TBC1D22A: variants seen among roughly 807,000 people sequenced by gnomAD.
TBC1D22A encodes the protein putative GTPase activator.
TBC1D22A carries 38 observed loss-of-function variants against 60.2 expected under a neutral mutation model. The observed-to-expected ratio is 0.63, with a 90% confidence interval of 0.49 to 0.83. TBC1D22A has a LOEUF of 0.83. Among genes scored for constraint, TBC1D22A ranks in the 40% least tolerant of loss-of-function variants. The pLI, the probability that TBC1D22A is intolerant of heterozygous loss-of-function variation, is 0.00. For missense variants in TBC1D22A, 628 were observed against 701.0 expected, an observed-to-expected ratio of 0.90 and a Z score of 1.18; for synonymous variants, 302 against 281.7, an observed-to-expected ratio of 1.07 and a Z score of -0.72.
chr22:46,993,921 CTT>C (rs1321474798), intron 9 of TBC1D22A, among the ~76,000 whole-genome samples: 1 of 152,234 alleles, frequency 6.6e-6, no homozygotes, highest in African/African-American at 2.4e-5. Flanking sequence ...CCCCCTGTGT[CTT>C]AGCCTTGGCG....
At chr22:47,017,078 GTTTA>G (rs755536449) in intron 10 of TBC1D22A, among the ~76,000 whole-genome samples, 1 of 152,244 alleles carries the variant, frequency 6.6e-6, no homozygotes, top group Non-Finnish European at 1.5e-5. Flanking sequence ...TTCTTCTCCT[GTTTA>G]TTGGGACTTG....
chr22:47,121,010 G>A (rs535423815), intron 12 of TBC1D22A, among the ~76,000 whole-genome samples: 2 of 152,296 alleles, frequency 1.3e-5, no homozygotes, highest in Non-Finnish European at 2.9e-5. Context: ...CATTCACAAC[G>A]TAGCTTATAT....
intron 11 of TBC1D22A, among the ~76,000 whole-genome samples, chr22:47,088,209 C>G (rs1240390692): frequency 6.6e-6 from 1 of 152,084 alleles, no homozygotes; most frequent in Non-Finnish European, 1.5e-5. Context: ...GTTATCAACC[C>G]CAGTGGAAAT....
intron 11 of TBC1D22A, among the ~76,000 whole-genome samples, chr22:47,078,983 G>T (rs1030075827): frequency 6.6e-6 from 1 of 151,764 alleles, no homozygotes; most frequent in African/African-American, 2.4e-5. Context: ...TTCTCTCTTT[G>T]CCCTCTCTAA....
intron 10 of TBC1D22A, among the ~76,000 whole-genome samples, chr22:47,029,094 T>A (rs887263538): frequency 2.0e-5 from 3 of 152,146 alleles, no homozygotes. Context: ...TGATTCCAGT[T>A]TTATGTACAG....
intron 12 of TBC1D22A, among the ~76,000 whole-genome samples, chr22:47,146,329 C>T (rs920175557): frequency 4.6e-5 from 7 of 152,220 alleles, no homozygotes; most frequent in Non-Finnish European, 8.8e-5. Context: ...TGAACTCTCT[C>T]TCTCCCCAGC....
At chr22:46,997,565 C>G in intron 9 of TBC1D22A, 69 bp from the exon 10 acceptor site, 2 of 1,274,598 alleles carry the variant, frequency 1.6e-6, no homozygotes, top group South Asian at 1.2e-5. Context: ...ATCCCAGCTG[C>G]CTTTTTCCCT....
In TBC1D22A at chr22:46,831,073, G is replaced by A. The variant is rs1208577233; in HGVS notation, c.637+33453G>A. Among the ~76,000 whole-genome samples, 4 of 152,262 alleles carry A rather than the reference G, an allele frequency of 2.6e-5. No homozygotes were observed. The East Asian group carries it at 5.8e-4, about 22-fold the overall frequency. On this transcript the variant is annotated intron_variant, in intron 4 of 12. Coordinates refer to ENST00000337137, the MANE Select transcript of TBC1D22A (RefSeq NM_014346.5). The stretch of plus-strand genomic sequence containing the variant: ...GGACACGAGAGGAAGAGCAGATTGG[G>A]CAGGCCGAAGGCATTTGATGTTGGC...
At chr22:47,047,737 G>A (rs150601195) in intron 11 of TBC1D22A, among the ~76,000 whole-genome samples, 2 of 152,240 alleles carry the variant, frequency 1.3e-5, no homozygotes, top group African/African-American at 2.4e-5. Context: ...GCCCCATCCT[G>A]TGTGGAGGGT....
chr22:46,915,059 G>A, intron 8 of TBC1D22A: 1 of 261,392 alleles, frequency 3.8e-6, no homozygotes, highest in South Asian at 4.7e-5. Flanking sequence ...GCAGTGACAA[G>A]TAGTGGCATT....
At chr22:47,168,821 G>A (rs2068311685) in intron 12 of TBC1D22A, among the ~76,000 whole-genome samples, 1 of 152,194 alleles carries the variant, frequency 6.6e-6, no homozygotes, top group Non-Finnish European at 1.5e-5. Context: ...TTTGACTCAG[G>A]AAAAATAAAA....
chr22:46,795,195 C>T (rs1439208228), intron 3 of TBC1D22A, among the ~76,000 whole-genome samples: 1 of 152,254 alleles, frequency 6.6e-6, no homozygotes, highest in African/African-American at 2.4e-5. Context: ...CATGCACTGA[C>T]CGCCTTCTGC....
chr22:46,881,529 G>A (rs764854677), intron 5 of TBC1D22A, among the ~76,000 whole-genome samples: 2 of 152,200 alleles, frequency 1.3e-5, no homozygotes, highest in African/African-American at 2.4e-5. Flanking sequence ...GTCAGACCAC[G>A]CATTCAGAGA....
At chr22:47,033,785 T>C (rs962289943) in intron 10 of TBC1D22A, among the ~76,000 whole-genome samples, 13 of 152,128 alleles carry the variant, frequency 8.5e-5, no homozygotes, top group African/African-American at 2.9e-4. Flanking sequence ...CGTGGTAGCA[T>C]GGGTGTTGTT....
intron 4 of TBC1D22A, among the ~76,000 whole-genome samples, chr22:46,841,998 GA>G (rs1181042926): frequency 1.3e-5 from 2 of 152,042 alleles, no homozygotes; most frequent in Non-Finnish European, 2.9e-5. Flanking sequence ...TGTTAAGCTG[GA>G]AAAAAATTGC....
intron 12 of TBC1D22A, among the ~76,000 whole-genome samples, chr22:47,154,581 A>G (rs928759974): frequency 6.6e-6 from 1 of 152,202 alleles, no homozygotes; most frequent in Admixed American, 6.5e-5. Context: ...AGCCCTCAGG[A>G]AGCTGGGGGA....
At position 46,972,491 on chromosome 22, in the gene TBC1D22A, C is replaced by T. The variant is rs976754455; in HGVS notation, c.1016-1799C>T. Reference sequence around the variant, plus strand: ...GGAGTGAGGCATTGACACGGGCTGCCGCATGGATGACTCTGGAGAACATTG... The same window carrying T: ...GGAGTGAGGCATTGACACGGGCTGCTGCATGGATGACTCTGGAGAACATTG... On this transcript the variant is annotated intron_variant, in intron 8 of 12. Transcript: ENST00000337137. Among the ~76,000 whole-genome samples the T allele has an allele frequency of 3.9e-5, 6 of 152,266 alleles. 1 individual carries two copies. In the South Asian group the frequency reaches 6.2e-4, roughly 16 times the overall value.
chr22:47,004,059 A>C (rs1438541707), intron 10 of TBC1D22A, among the ~76,000 whole-genome samples: 2 of 128,216 alleles, frequency 1.6e-5, no homozygotes, highest in African/African-American at 6.1e-5. Context: ...ATATACACAC[A>C]CCCCTACACA....
intron 4 of TBC1D22A, among the ~76,000 whole-genome samples, chr22:46,849,757 C>T (rs988611023): frequency 3.9e-5 from 6 of 152,136 alleles, no homozygotes; most frequent in Non-Finnish European, 8.8e-5. Flanking sequence ...AATGAGGTGC[C>T]GGATACAAGT....
Sources: allele counts gnomAD v4.1 joint callset (sites outside exome capture counted in the v4.1 genomes callset), GRCh38; gene constraint gnomAD v4.1.1; transcripts MANE v1.5; gene names NCBI Gene and HGNC (gene_info 2026-07-23, HGNC 2026-07-21).